Variants in STMND1 observed in about 807,000 individuals in gnomAD.
STMND1 encodes stathmin domain-containing protein 1.
A neutral mutation model predicts 23.0 loss-of-function variants in STMND1; 17 were observed. The ratio of observed to expected loss-of-function variants is 0.74; its 90% CI spans 0.51 to 1.11. The LOEUF is 1.11. Ranked by LOEUF, STMND1 falls within the 50% of genes least tolerant of loss-of-function variation. The pLI, the probability that STMND1 is intolerant of heterozygous loss-of-function variation, is 0.00. For missense variants in STMND1, 305 were observed against 329.1 expected, an observed-to-expected ratio of 0.93 and a Z score of 0.57; for synonymous variants, 114 against 119.9, an observed-to-expected ratio of 0.95 and a Z score of 0.32.
rs35221460 is a variant in STMND1 at position 17,102,343 on chromosome 6, T to TAAAC, written c.81+31_81+34dup. ...GGCTGGAAAGAGGAATTCAAGGTAA[T>TAAAC]AAACAAACAAACAAACAAACAAACA... On this transcript the variant is annotated splice_donor_region_variant and intron_variant, in intron 1 of 4. Coordinates refer to ENST00000536551, the MANE Select transcript of STMND1 (RefSeq NM_001190766.2). The TAAAC allele has an allele frequency of 2.0e-3, 3,114 of 1,520,946 alleles. 15 individuals are homozygous for TAAAC. The highest frequency in any genetic ancestry group is 6.4e-3 in the South Asian group (530 of 83,174). The allele number at this position is 1,520,946 out of a possible 1,614,324, so 94.2% of individuals were successfully genotyped here.
At chr6:17,116,663 C>A (rs2113483828) in intron 2 of STMND1, among the ~76,000 whole-genome samples, 1 of 152,226 alleles carries the variant, frequency 6.6e-6, no homozygotes, top group African/African-American at 2.4e-5. Context: ...CGGTCTCGAA[C>A]TCCTGACCTC....
intron 1 of STMND1, among the ~76,000 whole-genome samples, chr6:17,103,022 C>G (rs1415819067): frequency 6.6e-6 from 1 of 152,100 alleles, no homozygotes; most frequent in Non-Finnish European, 1.5e-5. Flanking sequence ...TTTTCCAGAG[C>G]GAGACCTAGA....
intron 2 of STMND1, among the ~76,000 whole-genome samples, chr6:17,116,654 G>A (rs1049826970): frequency 6.6e-5 from 10 of 151,994 alleles, no homozygotes; most frequent in East Asian, 1.9e-4. Flanking sequence ...TGGCCAGGCC[G>A]GTCTCGAACT....
intron 1 of STMND1, among the ~76,000 whole-genome samples, chr6:17,109,870 T>C (rs1002829501): frequency 6.6e-6 from 1 of 152,254 alleles, no homozygotes; most frequent in Non-Finnish European, 1.5e-5. Context: ...ACCCTCCTGA[T>C]GATTTTCATT....
intron 4 of STMND1, among the ~76,000 whole-genome samples, chr6:17,129,668 C>T (rs2113497296): frequency 6.6e-6 from 1 of 152,186 alleles, no homozygotes; most frequent in South Asian, 2.1e-4. Context: ...CACGGTGAAA[C>T]CCCGTCTCTA....
intron 1 of STMND1, chr6:17,110,789 T>C (rs1661405770): frequency 2.2e-6 from 1 of 455,598 alleles, no homozygotes; most frequent in Non-Finnish European, 4.4e-6. Flanking sequence ...AAATAGACAT[T>C]AAAAGAATCC....
intron 1 of STMND1, among the ~76,000 whole-genome samples, chr6:17,113,634 C>CTTTT (rs35898545): frequency 7.4e-5 from 10 of 135,570 alleles, no homozygotes; most frequent in African/African-American, 2.5e-4. Context: ...GTCTGCATCA[C>CTTTT]TTTTTTTTTT....
At chr6:17,105,458 C>G (rs1038608580) in intron 1 of STMND1, among the ~76,000 whole-genome samples, 1 of 151,412 alleles carries the variant, frequency 6.6e-6, no homozygotes, top group Non-Finnish European at 1.5e-5. Flanking sequence ...CCAACCTGAC[C>G]AACATGGAGA....
intron 3 of STMND1, 145 bp downstream of exon 3, chr6:17,120,903 C>T (rs1761223899): frequency 1.4e-6 from 1 of 707,874 alleles, no homozygotes; most frequent in South Asian, 2.1e-5. Flanking sequence ...CTTAAATTCC[C>T]CCCACATCTC....
At chr6:17,107,110 CT>C (rs1424939943) in intron 1 of STMND1, among the ~76,000 whole-genome samples, 1 of 152,128 alleles carries the variant, frequency 6.6e-6, no homozygotes, top group East Asian at 1.9e-4. Context: ...AGAAATTCTT[CT>C]TATATGTCTA....
chr6:17,126,070 ATTTTTTTTTTTT>A (rs1189845838), intron 3 of STMND1, among the ~76,000 whole-genome samples: 23 of 20,522 alleles, frequency 1.1e-3, no homozygotes, highest in South Asian at 9.4e-3. Context: ...ATATATATAT[ATTTTTTTTTTTT>A]TTTTTTTTTT....
chr6:17,102,380 A>T, intron 1 of STMND1, 42 bp downstream of exon 1: 1 of 1,533,276 alleles, frequency 6.5e-7, no homozygotes, highest in Non-Finnish European at 8.7e-7. Flanking sequence ...ACAGACAGAA[A>T]GCCTTTTGCC....
chr6:17,129,076 G>A (rs1761348575), intron 3 of STMND1, 36 bp from the exon 4 acceptor site: 5 of 1,529,220 alleles, frequency 3.3e-6, no homozygotes, highest in Non-Finnish European at 4.4e-6. Context: ...CAGTGAATAT[G>A]ATTGTTTCTT....
intron 3 of STMND1, among the ~76,000 whole-genome samples, chr6:17,122,097 G>A (rs1240946433): frequency 2.0e-5 from 3 of 152,004 alleles, no homozygotes; most frequent in East Asian, 1.9e-4. Flanking sequence ...TCCTGACCTC[G>A]TAATCCACCT....
chr6:17,123,319 T>C (rs1761256232), intron 3 of STMND1, among the ~76,000 whole-genome samples: 2 of 152,344 alleles, frequency 1.3e-5, no homozygotes, highest in Middle Eastern at 3.4e-3. Context: ...GGGAACGTTC[T>C]CAAAAGGATT....
chr6:17,104,876 T>C (rs1760997642), intron 1 of STMND1, among the ~76,000 whole-genome samples: 1 of 152,230 alleles, frequency 6.6e-6, no homozygotes, highest in South Asian at 2.1e-4. Context: ...AGTTTTCTTA[T>C]TTGTAAAATG....
intron 3 of STMND1, among the ~76,000 whole-genome samples, 159 bp downstream of exon 3, chr6:17,120,917 A>T (rs1277715714): frequency 1.3e-5 from 2 of 152,210 alleles, no homozygotes; most frequent in African/African-American, 2.4e-5. Context: ...ACATCTCTGC[A>T]CACCATCTCA....
intron 3 of STMND1, among the ~76,000 whole-genome samples, chr6:17,126,034 TTATATA>T (rs1176278436): frequency 0.012 from 508 of 41,978 alleles, 13 homozygotes; most frequent in East Asian, 0.024. Context: ...GATCATTGTT[TTATATA>T]TATATATATA....
intron 1 of STMND1, among the ~76,000 whole-genome samples, chr6:17,103,179 C>T (rs1428726825): frequency 6.6e-6 from 1 of 152,140 alleles, no homozygotes; most frequent in Non-Finnish European, 1.5e-5. Context: ...AATTTATCAT[C>T]AAAATTATGC....
Sources: allele counts gnomAD v4.1 joint callset (sites outside exome capture counted in the v4.1 genomes callset), GRCh38; gene constraint gnomAD v4.1.1; transcripts MANE v1.5; gene names NCBI Gene and HGNC (gene_info 2026-07-23, HGNC 2026-07-21).